The following MYH11 variants were observed in gnomAD, a reference collection of about 807,000 sequenced individuals.
MYH11 encodes myosin-11.
Under a neutral mutation model 246.6 loss-of-function variants are expected in MYH11, and 80 were observed. That is an observed-to-expected ratio of 0.32 (90% confidence interval 0.27 to 0.39). MYH11 has a LOEUF of 0.39. MYH11 is among the 10% of genes least tolerant of loss of function. The pLI, the probability that MYH11 is intolerant of heterozygous loss-of-function variation, is 1.00. For synonymous variants in MYH11, 1,071 were observed against 1,015.5 expected (o/e 1.05, Z -1.04); for missense variants, 2,158 against 2,546.8 (o/e 0.85, Z 3.29).
intron 3 of MYH11, among the ~76,000 whole-genome samples, chr16:15,807,014 G>C (rs2043030007): frequency 6.6e-6 from 1 of 152,038 alleles, no homozygotes; most frequent in African/African-American, 2.4e-5. Flanking sequence ...CCAGGCTGAA[G>C]TGCAGTAGCA....
intron 1 of MYH11, among the ~76,000 whole-genome samples, chr16:15,856,222 T>TGG (rs2044464767): frequency 6.7e-6 from 1 of 149,356 alleles, no homozygotes; most frequent in Admixed American, 6.7e-5. Context: ...GTGAGTTGTT[T>TGG]TTTTTTTTTT....
intron 10 of MYH11, 55 bp downstream of exon 10, chr16:15,763,741 T>TCGGGGCCCCCCC: frequency 4.6e-6 from 3 of 646,860 alleles, no homozygotes; most frequent in Non-Finnish European, 5.8e-6. Context: ...AAATGTCACC[T>TCGGGGCCCCCCC]CCCCCACCCC....
intron 3 of MYH11, among the ~76,000 whole-genome samples, chr16:15,810,501 G>A (rs2043114703): frequency 6.6e-6 from 1 of 152,164 alleles, no homozygotes; most frequent in Non-Finnish European, 1.5e-5. Flanking sequence ...GACTGAGCCA[G>A]CCAGACAGAG....
At chr16:15,793,013 G>A (rs1444125412) in intron 4 of MYH11, among the ~76,000 whole-genome samples, 1 of 152,168 alleles carries the variant, frequency 6.6e-6, no homozygotes, top group Non-Finnish European at 1.5e-5. Context: ...AGGATTACAG[G>A]CATGAGCCAC....
At chr16:15,744,352 G>A (rs1417359457) in intron 20 of MYH11, among the ~76,000 whole-genome samples, 7 of 151,672 alleles carry the variant, frequency 4.6e-5, no homozygotes, top group Admixed American at 3.9e-4. Flanking sequence ...TTGCCACCAC[G>A]CCCAGCTAAT....
intron 40 of MYH11, among the ~76,000 whole-genome samples, chr16:15,707,424 C>A (rs1225469162): frequency 6.6e-6 from 1 of 152,174 alleles, no homozygotes; most frequent in Non-Finnish European, 1.5e-5. Flanking sequence ...CTCAGTTTCC[C>A]ACTGACCAGT....
rs118097245 is a variant in MYH11 at position 15,756,117 on chromosome 16, T to G, written c.1749+224A>C. ...TGTCTCCAACAAAAACAGAAAGAAA[T>G]AACTGTCTGGACGTCACGGTTGGAA... On this transcript the variant is annotated intron_variant, in intron 14 of 40. Transcript: ENST00000300036. Among the ~76,000 whole-genome samples, 90 of 152,204 alleles carry G rather than the reference T, an allele frequency of 5.9e-4. 1 individual carries two copies. The East Asian group carries it at 0.016, about 27-fold the overall frequency.
intron 1 of MYH11, among the ~76,000 whole-genome samples, chr16:15,855,208 A>G (rs2044432554): frequency 6.6e-6 from 1 of 152,208 alleles, no homozygotes; most frequent in Admixed American, 6.5e-5. Flanking sequence ...CTCGGAAAAG[A>G]CCCAGCTAGT....
intron 20 of MYH11, chr16:15,742,316 A>G: frequency 3.8e-6 from 1 of 260,120 alleles, no homozygotes; most frequent in Non-Finnish European, 7.5e-6. Context: ...AAAATCTTTC[A>G]TATCCCACCC....
At chr16:15,719,147 A>C in intron 36 of MYH11, 73 bp downstream of exon 36, 1 of 1,454,010 alleles carries the variant, frequency 6.9e-7, no homozygotes, top group South Asian at 1.2e-5. Flanking sequence ...TAAAAAATAA[A>C]ATGGGGGTCG....
intron 31 of MYH11, among the ~76,000 whole-genome samples, chr16:15,722,466 C>T (rs973200980): frequency 1.3e-5 from 2 of 152,168 alleles, no homozygotes; most frequent in African/African-American, 4.8e-5. Flanking sequence ...TTCCAGTATT[C>T]AGCAAAGACA....
At chr16:15,773,384 G>A (rs941740488) in intron 8 of MYH11, among the ~76,000 whole-genome samples, 6 of 147,798 alleles carry the variant, frequency 4.1e-5, no homozygotes, top group Admixed American at 7.0e-5. Context: ...TCTGCCTCCC[G>A]GATTCAAGCA....
chr16:15,748,678 C>T (rs1052616036), intron 16 of MYH11, among the ~76,000 whole-genome samples: 6 of 152,090 alleles, frequency 3.9e-5, no homozygotes, highest in African/African-American at 1.2e-4. Flanking sequence ...TCCAGTGGTG[C>T]GATCATGGCT....
At chr16:15,774,318 G>A (rs1435762684) in intron 8 of MYH11, among the ~76,000 whole-genome samples, 2 of 152,180 alleles carry the variant, frequency 1.3e-5, no homozygotes, top group Non-Finnish European at 2.9e-5. Flanking sequence ...TGGGAATTTA[G>A]TTCTGAGCCC....
At chr16:15,810,458 G>C (rs1022981643) in intron 3 of MYH11, among the ~76,000 whole-genome samples, 2 of 152,134 alleles carry the variant, frequency 1.3e-5, no homozygotes, top group African/African-American at 4.8e-5. Context: ...ATTAGTCAGA[G>C]CACCAAACAG....
chr16:15,774,429 AG>A (rs1160823505), intron 8 of MYH11, among the ~76,000 whole-genome samples: 1 of 152,214 alleles, frequency 6.6e-6, no homozygotes, highest in Non-Finnish European at 1.5e-5. Flanking sequence ...TAAAAGGAAA[AG>A]GAATGTCAAC....
In MYH11 at chr16:15,719,201, C is replaced by G. The variant is rs764520837; in HGVS notation, c.5171+19G>C. The G allele has an allele frequency of 1.9e-6, 3 of 1,611,410 alleles. No homozygotes were observed. Among genetic ancestry groups the G allele is most frequent in the Admixed American group, 3.3e-5 (2 of 60,006 alleles). The stretch of plus-strand genomic sequence containing the variant: ...CCATCCTCTGCTTCAGAGCCCTCTT[C>G]CTCCATTCAGTTTCCTACCTTCCCG... On this transcript the variant is annotated intron_variant, in intron 36 of 40. Coordinates refer to ENST00000300036, the MANE Select transcript of MYH11 (RefSeq NM_002474.3).
intron 40 of MYH11, chr16:15,714,455 ACAGCCCCCATACCCGAGAATAATG>A: frequency 4.8e-6 from 1 of 206,214 alleles, no homozygotes; most frequent in Non-Finnish European, 9.9e-6. Context: ...GGAATGTCGG[ACAGCCCCCATACCCGAGAATAATG>A]CAGCCCAGAT....
intron 9 of MYH11, among the ~76,000 whole-genome samples, chr16:15,767,261 G>T (rs1028679276): frequency 1.3e-5 from 2 of 152,092 alleles, no homozygotes; most frequent in Admixed American, 1.3e-4. Context: ...GACTCTACAT[G>T]AGTCTCAATA....
Sources: gnomAD v4.1 joint callset for allele counts (sites outside exome capture counted in the v4.1 genomes callset) on GRCh38, gnomAD v4.1.1 for gene constraint, MANE v1.5 for transcripts, NCBI Gene and HGNC (gene_info 2026-07-23, HGNC 2026-07-21) for gene names.